Variants in SCP2 observed in about 807,000 individuals in gnomAD.
SCP2 encodes SCP-2/3-oxoacyl-CoA thiolase.
A neutral mutation model predicts 71.4 loss-of-function variants in SCP2; 48 were observed. The observed-to-expected ratio is 0.67, with a 90% CI of 0.53 to 0.86. The LOEUF is 0.86. SCP2 is among the 40% of genes least tolerant of loss of function. SCP2 has a pLI of 0.00. For missense variants in SCP2, 560 were observed against 655.6 expected (o/e 0.85, Z 1.59); for synonymous variants, 220 against 218.1 (o/e 1.01, Z -0.08).
At chr1:52,943,802 G>T in intron 2 of SCP2, 1 of 455,160 alleles carries the variant, frequency 2.2e-6, no homozygotes, top group Non-Finnish European at 4.4e-6. Flanking sequence ...CACAGTACCA[G>T]GCCTGTAATG....
intron 10 of SCP2, 32 bp downstream of exon 10, chr1:52,980,575 G>T: frequency 6.3e-7 from 1 of 1,596,544 alleles, no homozygotes; most frequent in Non-Finnish European, 8.6e-7. Flanking sequence ...GATTAATTCA[G>T]TAAATTTCAC....
chr1:52,981,094 G>A (rs774310783), intron 10 of SCP2, among the ~76,000 whole-genome samples: 1 of 152,052 alleles, frequency 6.6e-6, no homozygotes, highest in African/African-American at 2.4e-5. Context: ...AACACGCCCG[G>A]CTAATTTTTG....
chr1:52,992,943 C>A (rs1659630226), intron 11 of SCP2, among the ~76,000 whole-genome samples: 1 of 152,096 alleles, frequency 6.6e-6, no homozygotes. Flanking sequence ...AAAAAAAGAG[C>A]ATGTCTGTGT....
chr1:52,995,507 A>C (rs1659870952), intron 11 of SCP2: 2 of 438,438 alleles, frequency 4.6e-6, no homozygotes, highest in Non-Finnish European at 9.1e-6. Flanking sequence ...CATCTCCACT[A>C]CTTCATGGCT....
intron 11 of SCP2, among the ~76,000 whole-genome samples, chr1:53,009,066 C>T (rs1438168263): frequency 6.6e-6 from 1 of 152,118 alleles, no homozygotes; most frequent in Non-Finnish European, 1.5e-5. Context: ...ATCCAACTTA[C>T]AAGGGATGTG....
chr1:52,951,677 A>G (rs1390007560), intron 4 of SCP2, among the ~76,000 whole-genome samples: 1 of 151,680 alleles, frequency 6.6e-6, no homozygotes, highest in Non-Finnish European at 1.5e-5. Flanking sequence ...TGTTTTTTGT[A>G]TATTCACAGA....
In SCP2 at chr1:52,927,361, C is replaced by G; in HGVS notation, c.-36C>G. The G allele has an allele frequency of 6.5e-7, 1 of 1,543,548 alleles. No individual in the cohort carries two copies. The highest frequency in any genetic ancestry group is 8.8e-7 in the Non-Finnish European group (1 of 1,138,450). On this transcript the variant is annotated 5_prime_UTR_variant, in exon 1 of 16. Transcript: ENST00000371514. Reference sequence around the variant, plus strand: ...TCCGCCTGTCAGTGCCGGCAGTCGTCCGCGGCGCCCGCCCCGGTCCCGCAC... The same window carrying G: ...TCCGCCTGTCAGTGCCGGCAGTCGTGCGCGGCGCCCGCCCCGGTCCCGCAC...
intron 11 of SCP2, among the ~76,000 whole-genome samples, chr1:53,011,374 C>T (rs1444382898): frequency 6.6e-6 from 1 of 152,212 alleles, no homozygotes; most frequent in African/African-American, 2.4e-5. Flanking sequence ...TAGCACTTAA[C>T]GTCCTTATCT....
chr1:52,986,348 T>C (rs1658982417), intron 10 of SCP2, among the ~76,000 whole-genome samples: 1 of 152,228 alleles, frequency 6.6e-6, no homozygotes, highest in Non-Finnish European at 1.5e-5. Context: ...GAAACAATAT[T>C]TAGCAGTTTG....
intron 11 of SCP2, among the ~76,000 whole-genome samples, chr1:52,999,512 A>G (rs1660162191): frequency 6.6e-6 from 1 of 152,142 alleles, no homozygotes; most frequent in Non-Finnish European, 1.5e-5. Flanking sequence ...GCTTCATGAT[A>G]CTGGTTTCTG....
At chr1:53,043,154 C>T (rs1481565687) in intron 14 of SCP2, among the ~76,000 whole-genome samples, 1 of 152,178 alleles carries the variant, frequency 6.6e-6, no homozygotes, top group Admixed American at 6.6e-5. Context: ...AACCTGGGTT[C>T]AGATCTAGGC....
chr1:53,026,363 A>T (rs989301041), intron 12 of SCP2, among the ~76,000 whole-genome samples: 3 of 152,238 alleles, frequency 2.0e-5, no homozygotes, highest in Non-Finnish European at 4.4e-5. Flanking sequence ...TACTTGGTAC[A>T]GTTTGCAGTT....
intron 11 of SCP2, chr1:52,995,388 G>A (rs909141585): frequency 5.2e-5 from 24 of 462,754 alleles, no homozygotes; most frequent in Non-Finnish European, 1.0e-4. Context: ...ATGGGGACTT[G>A]AACCACCTTG....
rs1333522318 is a variant in SCP2 at position 52,988,114 on chromosome 1, G to A, written c.1059G>A (p.Lys353=). Residue 353 remains lysine (K), a synonymous_variant, in exon 11 of 16, where the codon AAG becomes AAA. Transcript: ENST00000371514. ...VINPSGGLIS[K]GHPLGATGLA... is the part of the protein sequence containing the mutation. ...ATCCTAGTGGTGGACTGATTTCAAA[G>A]GGACACCCACTAGGCGCTACAGGTA... 9 of 1,578,954 alleles carry A rather than the reference G, an allele frequency of 5.7e-6. No homozygotes were observed. Among genetic ancestry groups the A allele is most frequent in the African/African-American group, 1.4e-5 (1 of 73,970 alleles).
chr1:53,045,450 A>G (rs951297919), intron 14 of SCP2, among the ~76,000 whole-genome samples: 9 of 152,136 alleles, frequency 5.9e-5, no homozygotes, highest in Non-Finnish European at 2.9e-5. Flanking sequence ...CATTTGATGT[A>G]TCTTTGCATT....
chr1:52,933,640 C>A (rs1653372756), intron 1 of SCP2, among the ~76,000 whole-genome samples: 1 of 152,124 alleles, frequency 6.6e-6, no homozygotes, highest in African/African-American at 2.4e-5. Flanking sequence ...GGAGTAGTGT[C>A]TTCTATCAAA....
At chr1:52,929,512 C>G (rs1572032628) in intron 1 of SCP2, among the ~76,000 whole-genome samples, 1 of 152,144 alleles carries the variant, frequency 6.6e-6, no homozygotes, top group East Asian at 1.9e-4. Flanking sequence ...GTGGGGCGAT[C>G]TCAGCTCACT....
chr1:52,952,279 A>G (rs1011536065), intron 4 of SCP2, among the ~76,000 whole-genome samples: 1 of 152,158 alleles, frequency 6.6e-6, no homozygotes, highest in South Asian at 2.1e-4. Flanking sequence ...CAATTTATTC[A>G]TGTTGTAGCA....
intron 11 of SCP2, chr1:52,993,666 C>A (rs764276824): frequency 4.8e-5 from 78 of 1,612,142 alleles, no homozygotes; most frequent in Non-Finnish European, 6.2e-5. Flanking sequence ...GTGTAAGAAT[C>A]TTCATTGGTT....
Sources: allele counts gnomAD v4.1 joint callset (sites outside exome capture counted in the v4.1 genomes callset), GRCh38; gene constraint gnomAD v4.1.1; transcripts MANE v1.5; gene names NCBI Gene and HGNC (gene_info 2026-07-23, HGNC 2026-07-21).